The following ABCC4 variants were observed in gnomAD, a reference collection of about 807,000 sequenced individuals.
ABCC4 encodes ATP-binding cassette sub-family C member 4.
A neutral mutation model predicts 168.5 loss-of-function variants in ABCC4; 102 were observed. The observed-to-expected ratio is 0.61, with a 90% CI of 0.52 to 0.71. The LOEUF (loss-of-function observed/expected upper bound fraction) is 0.71. Among genes scored for constraint, ABCC4 ranks in the 30% least tolerant of loss-of-function variants. ABCC4 has a pLI of 0.00. For synonymous variants in ABCC4, 617 were observed against 590.7 expected (o/e 1.04, Z -0.65); for missense variants, 1,402 against 1,605.8 (o/e 0.87, Z 2.17).
At chr13:95,026,059 G>T (rs2048795987) in intron 30 of ABCC4, among the ~76,000 whole-genome samples, 1 of 151,998 alleles carries the variant, frequency 6.6e-6, no homozygotes, top group South Asian at 2.1e-4. Context: ...ATCATATAAT[G>T]AACATAATGA....
At chr13:95,152,154 G>A (rs1006229383) in intron 19 of ABCC4, among the ~76,000 whole-genome samples, 1 of 152,118 alleles carries the variant, frequency 6.6e-6, no homozygotes, top group African/African-American at 2.4e-5. Flanking sequence ...AGCTTCCAAA[G>A]AACCAATGTA....
At chr13:95,284,205 G>A (rs2041200924) in intron 1 of ABCC4, among the ~76,000 whole-genome samples, 1 of 151,810 alleles carries the variant, frequency 6.6e-6, no homozygotes, top group Admixed American at 6.6e-5. Context: ...GGGTTTTTTT[G>A]AGACAGGGTC....
At chr13:95,239,750 T>G (rs1319453465) in intron 3 of ABCC4, among the ~76,000 whole-genome samples, 1 of 148,444 alleles carries the variant, frequency 6.7e-6, no homozygotes, top group East Asian at 2.2e-4. Context: ...CTCATTATTT[T>G]GAAAATCGGT....
At chr13:95,231,415 T>C (rs988847703) in intron 4 of ABCC4, among the ~76,000 whole-genome samples, 4 of 152,204 alleles carry the variant, frequency 2.6e-5, no homozygotes, top group African/African-American at 7.2e-5. Flanking sequence ...GATCATTCAA[T>C]ACCAAATGTC....
intron 30 of ABCC4, among the ~76,000 whole-genome samples, chr13:95,025,291 A>T: frequency 4.4e-5 from 1 of 22,524 alleles, no homozygotes. Flanking sequence ...ACCCCCACAC[A>T]CACCCACATA....
At chr13:95,290,705 C>CAAAA (rs55933951) in intron 1 of ABCC4, among the ~76,000 whole-genome samples, 2 of 56,046 alleles carry the variant, frequency 3.6e-5, no homozygotes, top group Non-Finnish European at 3.1e-5. Context: ...AACTCTGTCT[C>CAAAA]AAAAAAAAAA....
rs2031025068 is a variant in ABCC4, at chr13:95,020,396, C to G, written c.*1179G>C. The G allele has an allele frequency of 6.6e-6, 1 of 152,440 alleles. No homozygotes were observed. The allele number at this position is 152,440 out of a possible 1,614,324, so 9.4% of individuals were successfully genotyped here. A position where few individuals can be genotyped will look rare whatever the true frequency, so the allele number is the denominator to read the frequency against. ...TTAGTAAACTGAACTCAACATATTA[C>G]AGCCACCATCATCAGGAAAAATTAA... On this transcript the variant is annotated 3_prime_UTR_variant, in exon 31 of 31. Coordinates refer to ENST00000645237, the MANE Select transcript of ABCC4 (RefSeq NM_005845.5).
At chr13:95,085,303 G>A (rs1431947695) in intron 20 of ABCC4, among the ~76,000 whole-genome samples, 2 of 151,972 alleles carry the variant, frequency 1.3e-5, no homozygotes, top group African/African-American at 4.8e-5. Flanking sequence ...AGCCGGGTGT[G>A]GTGCCGCATA....
chr13:95,209,942 A>G (rs899495), intron 5 of ABCC4, among the ~76,000 whole-genome samples: 115,217 of 152,166 alleles, frequency 0.76, 44,231 homozygotes, highest in Non-Finnish European at 0.83. Flanking sequence ...CCCCAAGAAA[A>G]CCTGTACTAC....
intron 19 of ABCC4, among the ~76,000 whole-genome samples, chr13:95,139,670 A>G (rs1451866643): frequency 2.0e-5 from 3 of 152,218 alleles, no homozygotes; most frequent in Non-Finnish European, 4.4e-5. Flanking sequence ...ATGAGAATTC[A>G]TCTTGTTCTT....
chr13:95,155,827 A>C (rs2036836042), intron 19 of ABCC4, among the ~76,000 whole-genome samples: 1 of 152,226 alleles, frequency 6.6e-6, no homozygotes, highest in African/African-American at 2.4e-5. Context: ...CATTAGAGTC[A>C]GTGTACTTAG....
chr13:95,251,046 C>T (rs1369827243), intron 1 of ABCC4, among the ~76,000 whole-genome samples: 1 of 152,032 alleles, frequency 6.6e-6, no homozygotes, highest in Non-Finnish European at 1.5e-5. Context: ...CTTTGGCCTC[C>T]CAAAATTCTG....
In ABCC4 at chr13:95,020,520, A is replaced by G. The variant is rs1022526002; in HGVS notation, c.*1055T>C. 30 of 152,626 alleles carry G rather than the reference A, an allele frequency of 2.0e-4. No homozygotes were observed. The highest frequency in any genetic ancestry group is 7.2e-4 in the African/African-American group (30 of 41,592). 9.5% of individuals were successfully genotyped at this position (152,626 alleles called of 1,614,324 possible). A position where few individuals can be genotyped will look rare whatever the true frequency, so the allele number is the denominator to read the frequency against. On this transcript the variant is annotated 3_prime_UTR_variant, in exon 31 of 31. Coordinates refer to ENST00000645237, the MANE Select transcript of ABCC4 (RefSeq NM_005845.5). The stretch of plus-strand genomic sequence containing the variant: ...CCAAATGACAATGCTATTAGTGGTC[A>G]GGAGTAAACTAACCTGGACAGGCTC...
chr13:95,271,449 C>T (rs1057117761), intron 1 of ABCC4, among the ~76,000 whole-genome samples: 2 of 152,104 alleles, frequency 1.3e-5, no homozygotes, highest in African/African-American at 4.8e-5. Flanking sequence ...GTCAGCTGTG[C>T]CATTCTTACA....
intron 1 of ABCC4, among the ~76,000 whole-genome samples, chr13:95,265,853 A>G (rs976714995): frequency 2.0e-5 from 3 of 152,146 alleles, no homozygotes; most frequent in African/African-American, 4.8e-5. Context: ...AAATATGCTT[A>G]CCCAAGGCAG....
At chr13:95,236,600 G>A (rs75342761) in intron 3 of ABCC4, among the ~76,000 whole-genome samples, 7 of 52,758 alleles carry the variant, frequency 1.3e-4, no homozygotes, top group Admixed American at 3.0e-4. Context: ...GCGCGCGTGC[G>A]CGCACACACA....
chr13:95,144,017 G>A (rs956417047), intron 19 of ABCC4, among the ~76,000 whole-genome samples: 13 of 152,276 alleles, frequency 8.5e-5, no homozygotes, highest in African/African-American at 2.9e-4. Context: ...TTTCACACAT[G>A]TAACTCAAAT....
chr13:95,093,166 G>A (rs1027228212), intron 20 of ABCC4, among the ~76,000 whole-genome samples: 7 of 152,074 alleles, frequency 4.6e-5, no homozygotes, highest in African/African-American at 1.7e-4. Flanking sequence ...GACAGAGAAA[G>A]AAGGAACCCT....
intron 1 of ABCC4, among the ~76,000 whole-genome samples, chr13:95,274,053 C>A (rs1009398058): frequency 1.4e-4 from 22 of 152,132 alleles, no homozygotes; most frequent in African/African-American, 5.3e-4. Flanking sequence ...AACTGTAAGT[C>A]CACTAAACCT....
Sources: gnomAD v4.1 joint callset for allele counts (sites outside exome capture counted in the v4.1 genomes callset) on GRCh38, gnomAD v4.1.1 for gene constraint, MANE v1.5 for transcripts, NCBI Gene and HGNC (gene_info 2026-07-23, HGNC 2026-07-21) for gene names.